DSCAM: variants seen among roughly 807,000 people sequenced by gnomAD.
DSCAM encodes DS cell adhesion molecule, also known as cell adhesion molecule DSCAM.
DSCAM carries 47 observed loss-of-function variants against 217.7 expected under a neutral mutation model. The observed-to-expected ratio is 0.22, with a 90% CI of 0.17 to 0.28. The LOEUF is 0.28. DSCAM is among the 10% of genes least tolerant of loss of function. The probability of loss-of-function intolerance (pLI) is 1.00; values close to 1 mark genes in which losing one functional copy is unlikely to be tolerated. For missense variants in DSCAM, 2,080 were observed against 2,618.3 expected (o/e 0.79, Z 4.49); for synonymous variants, 1,056 against 1,015.3 (o/e 1.04, Z -0.76).
intron 1 of DSCAM, among the ~76,000 whole-genome samples, chr21:40,813,982 T>C (rs1395132645): frequency 1.3e-5 from 2 of 152,142 alleles, no homozygotes; most frequent in African/African-American, 4.8e-5. Flanking sequence ...TTTCCAGCTT[T>C]ATGAGGGGTA....
intron 11 of DSCAM, among the ~76,000 whole-genome samples, chr21:40,199,734 G>A (rs528386630): frequency 3.9e-5 from 6 of 152,094 alleles, no homozygotes; most frequent in Non-Finnish European, 5.9e-5. Context: ...ATGAGAATAC[G>A]TGGACACAGG....
chr21:40,431,301 C>T (rs1017310351), intron 3 of DSCAM, among the ~76,000 whole-genome samples: 20 of 152,228 alleles, frequency 1.3e-4, no homozygotes, highest in African/African-American at 4.8e-4. Context: ...TCTCCCCCTT[C>T]CTCCTCCTCA....
chr21:40,413,572 A>C (rs1256756358), intron 3 of DSCAM, among the ~76,000 whole-genome samples: 1 of 152,208 alleles, frequency 6.6e-6, no homozygotes, highest in Non-Finnish European at 1.5e-5. Context: ...ATTCAATGCA[A>C]TCCCAATCAT....
chr21:40,054,730 T>C (rs1044565599), intron 29 of DSCAM, among the ~76,000 whole-genome samples: 3 of 152,172 alleles, frequency 2.0e-5, no homozygotes, highest in African/African-American at 7.2e-5. Flanking sequence ...CCTGTTGGTG[T>C]GGAAGCAGGT....
intron 1 of DSCAM, among the ~76,000 whole-genome samples, chr21:40,818,312 C>T (rs367706348): frequency 2.0e-5 from 3 of 151,012 alleles, no homozygotes; most frequent in African/African-American, 4.9e-5. Flanking sequence ...TTTGGGAGGC[C>T]GAGGCGGGTG....
chr21:40,024,933 A>G (rs1403506726), intron 32 of DSCAM, among the ~76,000 whole-genome samples: 1 of 88,994 alleles, frequency 1.1e-5, no homozygotes, highest in Non-Finnish European at 2.4e-5. Flanking sequence ...GAGAGAGGGC[A>G]TCCCTGTCTT....
rs200229809 is a variant in DSCAM at position 40,453,040 on chromosome 21, T to G, written c.509-83795A>C. 6.3e-3 allele frequency among the ~76,000 whole-genome samples: 844 copies of G among 134,430 alleles called. 6 individuals are homozygous for G. Among genetic ancestry groups the G allele is most frequent in the East Asian group, 0.011 (46 of 4,166 alleles). The allele number at this position is 134,430 out of a possible 152,430, so 88.2% of individuals were successfully genotyped here. A position where few individuals can be genotyped will look rare whatever the true frequency, so the allele number is the denominator to read the frequency against. ...CTCTGGTTCCTGAATTTTAAAGACT[T>G]TGTGTGTGTGTGTGTGTGTGTGTGT... is the stretch of plus-strand genomic sequence containing the variant. On this transcript the variant is annotated intron_variant, in intron 3 of 32. Coordinates refer to ENST00000400454, the MANE Select transcript of DSCAM (RefSeq NM_001389.5).
In DSCAM at chr21:40,629,074, GTGGTGTGTGTGT is replaced by G. The variant is rs776130487; in HGVS notation, c.508+63724_508+63735del. Among the ~76,000 whole-genome samples the G allele has an allele frequency of 9.3e-3, 1,245 of 133,482 alleles. 13 individuals carry two copies. Among genetic ancestry groups the G allele is most frequent in the African/African-American group, 0.033 (1,147 of 34,624 alleles). 87.6% of individuals were successfully genotyped at this position (133,482 alleles called of 152,430 possible). The stretch of plus-strand genomic sequence containing the variant: ...GTATGTGTGTGTAGTATGTGTGTGT[GTGGTGTGTGTGT>G]GTGTGTGTGTGTGTGTGTGTGTGTG... On this transcript the variant is annotated intron_variant, in intron 3 of 32. Coordinates refer to ENST00000400454, the MANE Select transcript of DSCAM (RefSeq NM_001389.5).
chr21:40,616,547 GTGTGTCT>G (rs2089396850), intron 3 of DSCAM, among the ~76,000 whole-genome samples: 1 of 152,164 alleles, frequency 6.6e-6, no homozygotes, highest in Non-Finnish European at 1.5e-5. Flanking sequence ...GGAGGAGTGA[GTGTGTCT>G]TGCGCAAATC....
rs187800364 is a variant in DSCAM, at chr21:40,040,271, G to C, written c.5686+2100C>G. ...CTCTGAATAGTCTATGAAGACAATA[G>C]TAACTTAGCTATGATCTTCCATTGC... On this transcript the variant is annotated intron_variant, in intron 32 of 32. Coordinates refer to ENST00000400454, the MANE Select transcript of DSCAM (RefSeq NM_001389.5). Among the ~76,000 whole-genome samples, 385 of 152,286 alleles carry C rather than the reference G, an allele frequency of 2.5e-3. 2 individuals carry two copies. Among genetic ancestry groups the C allele is most frequent in the African/African-American group, 8.7e-3 (361 of 41,572 alleles).
At chr21:40,263,971 G>T (rs563575887) in intron 11 of DSCAM, among the ~76,000 whole-genome samples, 2 of 151,904 alleles carry the variant, frequency 1.3e-5, no homozygotes, top group South Asian at 4.2e-4. Flanking sequence ...ATAAGTTCCT[G>T]GAAACATACA....
chr21:40,077,836 G>A (rs1242197236), intron 26 of DSCAM, among the ~76,000 whole-genome samples: 1 of 152,174 alleles, frequency 6.6e-6, no homozygotes, highest in African/African-American at 2.4e-5. Flanking sequence ...GAGTTGCACT[G>A]GAGTTCCAAC....
chr21:40,099,535 T>C (rs1490290102), intron 20 of DSCAM, among the ~76,000 whole-genome samples: 1 of 152,198 alleles, frequency 6.6e-6, no homozygotes, highest in East Asian at 1.9e-4. Context: ...TTTCCTGGTC[T>C]TAGTAGAAGG....
At chr21:40,142,342 G>A (rs577659152) in intron 18 of DSCAM, among the ~76,000 whole-genome samples, 7 of 152,264 alleles carry the variant, frequency 4.6e-5, no homozygotes, top group South Asian at 2.1e-4. Context: ...TGCCGCCCCC[G>A]CCTAGGCTTC....
chr21:40,607,390 T>G (rs2089254394), intron 3 of DSCAM, among the ~76,000 whole-genome samples: 1 of 150,764 alleles, frequency 6.6e-6, no homozygotes, highest in African/African-American at 2.5e-5. Flanking sequence ...TCATTCTCCC[T>G]TTAATTCTGA....
chr21:40,205,745 C>T (rs1289243468), intron 11 of DSCAM, among the ~76,000 whole-genome samples: 5 of 152,040 alleles, frequency 3.3e-5, no homozygotes. Flanking sequence ...AATTCTTTGC[C>T]TCGGTGAATA....
chr21:40,148,108 C>T (rs2090380212), intron 16 of DSCAM, among the ~76,000 whole-genome samples: 1 of 152,058 alleles, frequency 6.6e-6, no homozygotes, highest in Admixed American at 6.5e-5. Context: ...GAGAGCTCTC[C>T]TCTATTTTTC....
chr21:40,661,559 A>C (rs1488736510), intron 3 of DSCAM, among the ~76,000 whole-genome samples: 1 of 152,270 alleles, frequency 6.6e-6, no homozygotes, highest in Non-Finnish European at 1.5e-5. Flanking sequence ...AAAATTAAAA[A>C]TGTATGTTAA....
At chr21:40,402,170 C>T (rs1219064964) in intron 3 of DSCAM, among the ~76,000 whole-genome samples, 1 of 142,878 alleles carries the variant, frequency 7.0e-6, no homozygotes, top group African/African-American at 2.6e-5. Context: ...CGTCATTCTC[C>T]TGCCTCAGCC....
Sources: gnomAD v4.1 joint callset for allele counts (sites outside exome capture counted in the v4.1 genomes callset) on GRCh38, gnomAD v4.1.1 for gene constraint, MANE v1.5 for transcripts, NCBI Gene and HGNC (gene_info 2026-07-23, HGNC 2026-07-21) for gene names.